Variants in SBNO2 observed in about 807,000 individuals in gnomAD.
SBNO2 encodes strawberry notch homolog 2.
Under a neutral mutation model 146.3 loss-of-function variants are expected in SBNO2, and 89 were observed. That is an observed-to-expected ratio of 0.61 (90% CI 0.51 to 0.73). The LOEUF (loss-of-function observed/expected upper bound fraction) is 0.73, where lower values mean the gene tolerates loss of function less well. SBNO2 is among the 30% of genes least tolerant of loss of function. The pLI is 0.00. For synonymous variants in SBNO2, 1,147 were observed against 892.6 expected (o/e 1.29, Z -5.08); for missense variants, 2,092 against 2,003.7 (o/e 1.04, Z -0.84).
chr19:1,114,700 T>C (rs1484546407), intron 17 of SBNO2, among the ~76,000 whole-genome samples: 1 of 152,216 alleles, frequency 6.6e-6, no homozygotes, highest in Non-Finnish European at 1.5e-5. Flanking sequence ...TGGAGAACGG[T>C]GGCATCTCAC....
In SBNO2 at chr19:1,126,740, C is replaced by T. The variant is rs1351821715; in HGVS notation, c.441+864G>A. On this transcript the variant is annotated intron_variant, in intron 5 of 31. Coordinates refer to ENST00000361757, the MANE Select transcript of SBNO2 (RefSeq NM_014963.3). The surrounding 1 kb of genome is among the most constrained non-coding windows in gnomAD (Gnocchi z 4.4). ...TGCGGAGGCTGGCATGGGCCCTCAC[C>T]GGAAGGCGCTCAGTCCCAGAGACAT... 1.3e-5 allele frequency among the ~76,000 whole-genome samples: 2 copies of T among 152,194 alleles called. No individual in the cohort carries two copies. The highest frequency in any genetic ancestry group is 2.4e-5 in the African/African-American group (1 of 41,444).
chr19:1,168,946 G>C (rs2080451586), intron 1 of SBNO2: 1 of 152,286 alleles, frequency 6.6e-6, no homozygotes. Flanking sequence ...ACGCGAGTGA[G>C]CCGCCTTCCG....
Position 1,109,256 on chromosome 19 carries a change from C to A in SBNO2, c.3348+36G>T. ...TGAGCCTGGGCGGGGTCAGGGCCGGCAACCCGAGCGAAAGCTGCGCCCGGC... is the reference window on the plus strand; with the variant it reads ...TGAGCCTGGGCGGGGTCAGGGCCGGAAACCCGAGCGAAAGCTGCGCCCGGC... On this transcript the variant is annotated intron_variant, in intron 29 of 31. Transcript: ENST00000361757. The surrounding 1 kb of genome is among the most constrained non-coding windows in gnomAD (Gnocchi z 4.2). The A allele has an allele frequency of 6.3e-7, 1 of 1,578,114 alleles. No individual in the cohort carries two copies. Among genetic ancestry groups the A allele is most frequent in the Non-Finnish European group, 8.6e-7 (1 of 1,162,736 alleles).
chr19:1,108,875 C>G lies in SBNO2; in HGVS notation c.3520G>C (p.Val1174Leu). Residue 1174 changes from valine (V) to leucine (L), a missense_variant, in exon 31 of 32, where the codon GTG becomes CTG. Val to Leu is a conservative substitution (Grantham distance 32, BLOSUM62 1). Transcript: ENST00000361757. ...ATGACGGCGGCGATGCGGCCCCACA[C>G]GCGCAGCAGCGCGCCGCACAGCATG... ...HYMLCGALLR[V>L]WGRIAAVMAD... The G allele has an allele frequency of 6.3e-7, 1 of 1,590,434 alleles. No individual in the cohort carries two copies. The highest frequency in any genetic ancestry group is 8.5e-7 in the Non-Finnish European group (1 of 1,175,340).
intron 3 of SBNO2, among the ~76,000 whole-genome samples, chr19:1,148,287 G>C (rs1037286140): frequency 1.3e-5 from 2 of 152,002 alleles, no homozygotes; most frequent in Non-Finnish European, 2.9e-5. Flanking sequence ...CAGCAGGAAA[G>C]AAGCATCCAC....
intron 1 of SBNO2, among the ~76,000 whole-genome samples, chr19:1,172,467 G>A (rs1271704078): frequency 3.9e-5 from 6 of 152,156 alleles, no homozygotes; most frequent in Non-Finnish European, 7.4e-5. Context: ...AAGAAAGGGC[G>A]TGGACGGCAC....
chr19:1,121,640 G>A (rs1254310182), intron 11 of SBNO2, among the ~76,000 whole-genome samples: 2 of 152,168 alleles, frequency 1.3e-5, no homozygotes, highest in Non-Finnish European at 2.9e-5. Context: ...GAGCCCCTCC[G>A]AACCGCAGCC....
intron 17 of SBNO2, 39 bp from the exon 18 acceptor site, chr19:1,114,461 G>A (rs1042363264): frequency 3.4e-6 from 5 of 1,463,724 alleles, no homozygotes; most frequent in Non-Finnish European, 4.6e-6. Flanking sequence ...CCAGACCGCA[G>A]CAAGGTGGAG....
chr19:1,170,413 C>G (rs112194468), intron 1 of SBNO2, among the ~76,000 whole-genome samples: 1 of 152,064 alleles, frequency 6.6e-6, no homozygotes, highest in South Asian at 2.1e-4. Context: ...AGTGCAGAGG[C>G]GAGGGGCAAG....
chr19:1,119,442 G>A lies in SBNO2; in HGVS notation c.1373+74C>T, dbSNP rs1454943777. The A allele has an allele frequency of 1.7e-5, 21 of 1,214,486 alleles. No individual in the cohort carries two copies. In the East Asian group the frequency reaches 2.0e-4, roughly 12 times the overall value. 75.2% of individuals were successfully genotyped at this position (1,214,486 alleles called of 1,614,324 possible). Reference sequence around the variant, plus strand: ...GGGGAAGCACACGTGGCAGTGCCAGGCCTTGGGCTGATGGGCCTGAGGCCT... The same window carrying A: ...GGGGAAGCACACGTGGCAGTGCCAGACCTTGGGCTGATGGGCCTGAGGCCT... On this transcript the variant is annotated intron_variant, in intron 13 of 31. Coordinates refer to ENST00000361757, the MANE Select transcript of SBNO2 (RefSeq NM_014963.3).
chr19:1,145,473 C>CA (rs1223891823), intron 4 of SBNO2, among the ~76,000 whole-genome samples: 1,112 of 70,660 alleles, frequency 0.016, 8 homozygotes, highest in African/African-American at 0.042. Flanking sequence ...AACTCTGTCT[C>CA]AAAAAAAAAA....
chr19:1,150,670 CCT>C lies in SBNO2; in HGVS notation c.94-1230_94-1229del, dbSNP rs1452171262. ...ACAGGGTTGGGGGTTCGCCTGCTTC[CCT>C]GAGTCCCCCAGTGACCTCTCCCAGG... On this transcript the variant is annotated intron_variant, in intron 2 of 31. Coordinates refer to ENST00000361757, the MANE Select transcript of SBNO2 (RefSeq NM_014963.3). The surrounding 1 kb of genome is among the most constrained non-coding windows in gnomAD (Gnocchi z 6.2). 2.0e-5 allele frequency among the ~76,000 whole-genome samples: 3 copies of C among 152,156 alleles called. No individual in the cohort carries two copies. The highest frequency in any genetic ancestry group is 2.1e-4 in the South Asian group (1 of 4,830).
In SBNO2 at chr19:1,126,463, G is replaced by A. The variant is rs1483651931; in HGVS notation, c.441+1141C>T. Among the ~76,000 whole-genome samples, 14 of 152,124 alleles carry A rather than the reference G, an allele frequency of 9.2e-5. 1 individual carries two copies. On this transcript the variant is annotated intron_variant, in intron 5 of 31. Coordinates refer to ENST00000361757, the MANE Select transcript of SBNO2 (RefSeq NM_014963.3). This position sits in a 1 kb window ranked among gnomAD's most constrained non-coding sequence, Gnocchi z 4.4. ...CCTGGGAGCTAGCTGGGAGGGCACG[G>A]GCCCCGGGCTGGGTGAAATGCTCTG...
intron 2 of SBNO2, among the ~76,000 whole-genome samples, chr19:1,151,037 G>A (rs1009416315): frequency 5.3e-5 from 8 of 152,374 alleles, no homozygotes; most frequent in Admixed American, 1.3e-4. Flanking sequence ...GCAGGAAGCC[G>A]GGCCACCAGC....
intron 4 of SBNO2, among the ~76,000 whole-genome samples, chr19:1,134,276 A>C (rs552054330): frequency 6.7e-6 from 1 of 150,086 alleles, no homozygotes; most frequent in East Asian, 2.0e-4. Flanking sequence ...CTGGACCCAC[A>C]GCTCACGGGT....
At position 1,127,765 on chromosome 19, in the gene SBNO2, C is replaced by G; in HGVS notation, c.280G>C (p.Asp94His). The G allele has an allele frequency of 6.2e-7, 1 of 1,612,758 alleles. No homozygotes were observed. Among genetic ancestry groups the G allele is most frequent in the Non-Finnish European group, 8.5e-7 (1 of 1,179,256 alleles). ...GAGAAGTCCTCAAAATAGGAGGAGT[C>G]CTGGAAGACAAGGCCAGGCCCGGTG... ...LPPKTCDFAQ[D>H]SSYFEDFSNI... Residue 94 changes from aspartate (D) to histidine (H), a missense_variant and splice_region_variant, in exon 5 of 32, where the codon GAC (aspartate) becomes CAC (histidine). Physicochemically the swap from Asp to His is moderately conservative, Grantham distance 81 (BLOSUM62 -1). Coordinates refer to ENST00000361757, the MANE Select transcript of SBNO2 (RefSeq NM_014963.3).
At position 1,173,036 on chromosome 19, in the gene SBNO2, C is replaced by G. The variant is rs2080496572; in HGVS notation, c.-127+1136G>C. ...CTTTTCAGAATGTTAATCAGTTCAT[C>G]CAGGGAGACACCCACCGTCCCTGCC... On this transcript the variant is annotated intron_variant, in intron 1 of 31. Coordinates refer to ENST00000361757, the MANE Select transcript of SBNO2 (RefSeq NM_014963.3). The surrounding 1 kb of genome is among the most constrained non-coding windows in gnomAD (Gnocchi z 4.7). Among the ~76,000 whole-genome samples the G allele has an allele frequency of 6.6e-6, 1 of 151,148 alleles. No homozygotes were observed. Among genetic ancestry groups the G allele is most frequent in the South Asian group, 2.1e-4 (1 of 4,780 alleles).
intron 5 of SBNO2, among the ~76,000 whole-genome samples, chr19:1,125,866 T>C (rs960435230): frequency 6.6e-6 from 1 of 151,704 alleles, no homozygotes; most frequent in East Asian, 1.9e-4. Context: ...TGGTGTCGTG[T>C]GTCTATGGAC....
intron 1 of SBNO2, among the ~76,000 whole-genome samples, chr19:1,161,629 A>C (rs1028090549): frequency 3.3e-5 from 5 of 151,610 alleles, no homozygotes; most frequent in African/African-American, 4.9e-5. Flanking sequence ...CTTGGGCCCG[A>C]TGAAGCGGGT....
Sources: gnomAD v4.1 joint callset for allele counts (sites outside exome capture counted in the v4.1 genomes callset) on GRCh38, gnomAD v4.1.1 for gene constraint, Gnocchi (gnomAD v3.1) non-coding constraint, MANE v1.5 for transcripts, NCBI Gene and HGNC (gene_info 2026-07-23, HGNC 2026-07-21) for gene names.